The following ZBTB20 variants were observed in gnomAD, a reference collection of about 807,000 sequenced individuals.
ZBTB20 encodes zinc finger and BTB domain-containing protein 20.
ZBTB20 carries 9 observed loss-of-function variants against 56.9 expected under a neutral mutation model. The observed-to-expected ratio is 0.16, with a 90% CI of 0.10 to 0.28. ZBTB20 has a LOEUF of 0.28. ZBTB20 is among the 10% of genes least tolerant of loss of function. The probability of loss-of-function intolerance (pLI) is 1.00; values close to 1 mark genes in which losing one functional copy is unlikely to be tolerated. For synonymous variants in ZBTB20, 417 were observed against 420.7 expected, an observed-to-expected ratio of 0.99 and a Z score of 0.11; for missense variants, 655 against 1,003.0, an observed-to-expected ratio of 0.65 and a Z score of 4.69.
At chr3:114,836,723 G>T (rs1452900670) in intron 4 of ZBTB20, among the ~76,000 whole-genome samples, 3 of 152,038 alleles carry the variant, frequency 2.0e-5, no homozygotes, top group Non-Finnish European at 4.4e-5. Context: ...CACTATCTCT[G>T]CTATCACGAA....
intron 3 of ZBTB20, among the ~76,000 whole-genome samples, chr3:114,917,314 T>G (rs1299097591): frequency 6.6e-6 from 1 of 152,186 alleles, no homozygotes; most frequent in Non-Finnish European, 1.5e-5. Flanking sequence ...CCTCAATAAT[T>G]CTGTCTAAAA....
At chr3:114,968,699 T>C (rs897845930) in intron 3 of ZBTB20, among the ~76,000 whole-genome samples, 1 of 152,216 alleles carries the variant, frequency 6.6e-6, no homozygotes, top group African/African-American at 2.4e-5. Flanking sequence ...GAATGAACTC[T>C]GGGCTATTGA....
intron 5 of ZBTB20, among the ~76,000 whole-genome samples, chr3:114,744,314 G>A (rs2066864431): frequency 6.6e-6 from 1 of 151,970 alleles, no homozygotes; most frequent in Non-Finnish European, 1.5e-5. Context: ...TCACACTTTC[G>A]ATTATTGCAA....
chr3:115,086,635 G>A (rs1294680161), intron 1 of ZBTB20, among the ~76,000 whole-genome samples: 3 of 151,828 alleles, frequency 2.0e-5, no homozygotes, highest in Non-Finnish European at 4.4e-5. Flanking sequence ...GCAATTCTTA[G>A]AATGGAATAC....
At chr3:114,390,088 C>CA (rs1381312359) in intron 7 of ZBTB20, among the ~76,000 whole-genome samples, 1 of 152,038 alleles carries the variant, frequency 6.6e-6, no homozygotes, top group Non-Finnish European at 1.5e-5. Context: ...GTCTCCTCAG[C>CA]GTCTGGCAGC....
At chr3:114,434,805 A>T (rs892032063) in intron 7 of ZBTB20, among the ~76,000 whole-genome samples, 7 of 152,156 alleles carry the variant, frequency 4.6e-5, no homozygotes, top group African/African-American at 1.7e-4. Context: ...ATCAGAATTA[A>T]TCTCTGTGAA....
chr3:114,472,550 A>C (rs1223478866), intron 7 of ZBTB20, among the ~76,000 whole-genome samples: 2 of 152,100 alleles, frequency 1.3e-5, no homozygotes, highest in Non-Finnish European at 2.9e-5. Flanking sequence ...TCTTTACTAA[A>C]TATAAAACTT....
At chr3:115,046,160 T>C (rs1296269160) in intron 2 of ZBTB20, among the ~76,000 whole-genome samples, 1 of 152,164 alleles carries the variant, frequency 6.6e-6, no homozygotes, top group Non-Finnish European at 1.5e-5. Flanking sequence ...GCAATAAGCA[T>C]CAACCCAGAG....
chr3:114,664,161 G>A lies in ZBTB20; in HGVS notation c.-295+29367C>T, dbSNP rs566082928. 8.5e-5 allele frequency among the ~76,000 whole-genome samples: 13 copies of A among 152,154 alleles called. No homozygotes were observed. The East Asian group carries it at 1.7e-3, about 20-fold the overall frequency. On this transcript the variant is annotated intron_variant, in intron 6 of 11. Transcript: ENST00000675478. ...TCTGAGCATTTTAAGACTTCCCTGA[G>A]GCTACATATAATCTCTCACAACCCC...
intron 3 of ZBTB20, among the ~76,000 whole-genome samples, chr3:114,945,410 G>T (rs1476393451): frequency 6.9e-6 from 1 of 145,104 alleles, no homozygotes; most frequent in Non-Finnish European, 1.5e-5. Context: ...TTAGGAATTA[G>T]AGCACTTGAA....
chr3:115,036,199 T>C (rs753590848), intron 2 of ZBTB20, among the ~76,000 whole-genome samples: 2 of 152,108 alleles, frequency 1.3e-5, no homozygotes, highest in Admixed American at 6.5e-5. Flanking sequence ...CACCAAACTG[T>C]ACAGTTAAAA....
chr3:115,060,286 T>C (rs974683379), intron 2 of ZBTB20, among the ~76,000 whole-genome samples: 1 of 152,182 alleles, frequency 6.6e-6, no homozygotes, highest in Non-Finnish European at 1.5e-5. Flanking sequence ...GAAATAATAA[T>C]ATAGTCTACC....
chr3:114,401,965 T>C (rs149191174), intron 7 of ZBTB20, among the ~76,000 whole-genome samples: 47 of 152,306 alleles, frequency 3.1e-4, no homozygotes, highest in Non-Finnish European at 6.0e-4. Flanking sequence ...ACTTAAAGGC[T>C]GTATTTTTTG....
chr3:114,349,480 C>T (rs887968591), intron 11 of ZBTB20, among the ~76,000 whole-genome samples: 8 of 152,174 alleles, frequency 5.3e-5, no homozygotes, highest in African/African-American at 1.9e-4. Context: ...ATCCTGTGTA[C>T]AAAATCCCTA....
intron 6 of ZBTB20, among the ~76,000 whole-genome samples, chr3:114,577,905 G>A (rs1021289933): frequency 9.9e-5 from 15 of 152,156 alleles, no homozygotes; most frequent in African/African-American, 3.1e-4. Flanking sequence ...TGAACAAAAC[G>A]AAACAAACAA....
In ZBTB20 at chr3:114,661,993, C is replaced by T. The variant is rs532657742; in HGVS notation, c.-295+31535G>A. 4.1e-4 allele frequency among the ~76,000 whole-genome samples: 62 copies of T among 151,358 alleles called. 2 individuals are homozygous for T. In the East Asian group the frequency reaches 0.011, roughly 27 times the overall value. ...TATGTATACATGTGCCATGCTGGTG[C>T]ACTGCACCCACTAACTCGTCATCTA... is the stretch of plus-strand genomic sequence containing the variant. On this transcript the variant is annotated intron_variant, in intron 6 of 11. Coordinates refer to ENST00000675478, the MANE Select transcript of ZBTB20 (RefSeq NM_001348800.3).
chr3:115,018,536 C>T (rs1431973485), intron 2 of ZBTB20, among the ~76,000 whole-genome samples: 2 of 151,272 alleles, frequency 1.3e-5, no homozygotes, highest in Non-Finnish European at 3.0e-5. Context: ...CATTCATTAA[C>T]TATGGCAATT....
intron 4 of ZBTB20, among the ~76,000 whole-genome samples, chr3:114,847,673 G>A (rs1175928206): frequency 6.6e-6 from 1 of 152,036 alleles, no homozygotes; most frequent in East Asian, 1.9e-4. Context: ...TTCTAGCTTG[G>A]CTCTCACCTG....
intron 4 of ZBTB20, among the ~76,000 whole-genome samples, chr3:114,811,944 C>T (rs571600878): frequency 6.6e-6 from 1 of 151,782 alleles, no homozygotes; most frequent in African/African-American, 2.4e-5. Context: ...TTCTTAAAGG[C>T]GGCGTCTCCG....
Sources: gnomAD v4.1 joint callset for allele counts (sites outside exome capture counted in the v4.1 genomes callset) on GRCh38, gnomAD v4.1.1 for gene constraint, MANE v1.5 for transcripts, NCBI Gene and HGNC (gene_info 2026-07-23, HGNC 2026-07-21) for gene names.